MGAT4C: variants seen among roughly 807,000 people sequenced by gnomAD.
The protein encoded by MGAT4C is MGAT4 family member C.
A neutral mutation model predicts 40.1 loss-of-function variants in MGAT4C; 19 were observed. That is an observed-to-expected ratio of 0.47 (90% CI 0.33 to 0.70). The LOEUF is 0.70. MGAT4C is among the 30% of genes least tolerant of loss of function. The pLI is 0.02. For missense variants in MGAT4C, 491 were observed against 563.2 expected (o/e 0.87, Z 1.30); for synonymous variants, 181 against 187.1 (o/e 0.97, Z 0.27).
At chr12:86,043,699 A>G (rs1190997168) in intron 2 of MGAT4C, among the ~76,000 whole-genome samples, 5 of 152,174 alleles carry the variant, frequency 3.3e-5, no homozygotes, top group African/African-American at 9.7e-5. Flanking sequence ...TAACCATCAC[A>G]TCCTCCAATA....
At chr12:86,024,187 AATC>A (rs1363426385) in intron 2 of MGAT4C, among the ~76,000 whole-genome samples, 1 of 151,918 alleles carries the variant, frequency 6.6e-6, no homozygotes, top group Non-Finnish European at 1.5e-5. Flanking sequence ...AGCTTCAGGT[AATC>A]ATCATTCTAC....
At chr12:86,303,551 A>G (rs1358939537) in intron 4 of MGAT4C, among the ~76,000 whole-genome samples, 2 of 92,224 alleles carry the variant, frequency 2.2e-5, no homozygotes, top group Non-Finnish European at 4.8e-5. Context: ...TGATTGAAGG[A>G]AGACACTTAA....
intron 2 of MGAT4C, among the ~76,000 whole-genome samples, chr12:86,708,711 G>T (rs1444791892): frequency 2.0e-5 from 3 of 152,168 alleles, no homozygotes; most frequent in African/African-American, 7.2e-5. Context: ...ATGAGACAAG[G>T]AGTCAAAGGA....
At chr12:86,124,113 G>A (rs907892427) in intron 1 of MGAT4C, among the ~76,000 whole-genome samples, 8 of 151,890 alleles carry the variant, frequency 5.3e-5, no homozygotes, top group Non-Finnish European at 8.8e-5. Context: ...AAGATAACAC[G>A]GACTGTATAC....
At chr12:86,400,512 G>T (rs1956337019) in intron 3 of MGAT4C, among the ~76,000 whole-genome samples, 1 of 152,094 alleles carries the variant, frequency 6.6e-6, no homozygotes, top group Admixed American at 6.5e-5. Flanking sequence ...AGATTAGATG[G>T]TAAGCCATTT....
chr12:86,708,576 A>T (rs1950503349), intron 2 of MGAT4C, among the ~76,000 whole-genome samples: 2 of 152,142 alleles, frequency 1.3e-5, no homozygotes, highest in Non-Finnish European at 2.9e-5. Context: ...GCACCCAGAA[A>T]AGCCACAGAC....
chr12:86,670,451 T>G (rs1230251812), intron 2 of MGAT4C, among the ~76,000 whole-genome samples: 1 of 152,160 alleles, frequency 6.6e-6, no homozygotes, highest in Non-Finnish European at 1.5e-5. Flanking sequence ...TTGAAAGTTT[T>G]ATCAGTAGAC....
At chr12:86,308,385 A>G (rs1953992398) in intron 4 of MGAT4C, among the ~76,000 whole-genome samples, 1 of 150,660 alleles carries the variant, frequency 6.6e-6, no homozygotes, top group Non-Finnish European at 1.5e-5. Flanking sequence ...CTTTACAAAT[A>G]CAGATTTCTG....
At chr12:86,045,729 G>A (rs2136952897) in intron 2 of MGAT4C, among the ~76,000 whole-genome samples, 1 of 152,230 alleles carries the variant, frequency 6.6e-6, no homozygotes, top group South Asian at 2.1e-4. Context: ...GCTCAAATAT[G>A]TATTTTGTTT....
In MGAT4C at chr12:86,675,103, G is replaced by A. The variant is rs181018714; in HGVS notation, c.-229+52106C>T. Among the ~76,000 whole-genome samples, 1,324 of 152,234 alleles carry A rather than the reference G, an allele frequency of 8.7e-3. 8 individuals are homozygous for A. The highest frequency in any genetic ancestry group is 0.017 in the Middle Eastern group (5 of 294). On this transcript the variant is annotated intron_variant, in intron 2 of 7. Transcript: ENST00000548651. ...CTTCAAGATTGTGCTGCAAATACAT[G>A]TCATCGTCAAAATTTGAATGCAGGT...
At chr12:86,671,716 T>C (rs1964260829) in intron 2 of MGAT4C, among the ~76,000 whole-genome samples, 1 of 152,124 alleles carries the variant, frequency 6.6e-6, no homozygotes, top group Non-Finnish European at 1.5e-5. Flanking sequence ...GAGGTCATTA[T>C]AAAATTATTA....
intron 3 of MGAT4C, among the ~76,000 whole-genome samples, chr12:86,433,802 T>G (rs1168127375): frequency 6.6e-6 from 1 of 152,084 alleles, no homozygotes; most frequent in Non-Finnish European, 1.5e-5. Flanking sequence ...TTGTATTCAT[T>G]GTCATTACTG....
At chr12:86,590,971 A>C (rs761059204) in intron 2 of MGAT4C, among the ~76,000 whole-genome samples, 3 of 152,052 alleles carry the variant, frequency 2.0e-5, no homozygotes, top group Admixed American at 6.6e-5. Flanking sequence ...ATCAAGTAAA[A>C]TATGGTGCAT....
At chr12:86,147,168 T>C (rs1316716366) in intron 1 of MGAT4C, among the ~76,000 whole-genome samples, 4 of 152,206 alleles carry the variant, frequency 2.6e-5, no homozygotes, top group African/African-American at 4.8e-5. Context: ...ATATATGTCT[T>C]AGAAAGGTGG....
At chr12:86,036,292 T>C (rs1349626978) in intron 2 of MGAT4C, among the ~76,000 whole-genome samples, 1 of 150,016 alleles carries the variant, frequency 6.7e-6, no homozygotes, top group African/African-American at 2.4e-5. Flanking sequence ...TTTTCTTAAT[T>C]GAATAGCCTT....
At chr12:86,164,043 A>C (rs138271665) in intron 1 of MGAT4C, among the ~76,000 whole-genome samples, 5 of 152,336 alleles carry the variant, frequency 3.3e-5, no homozygotes, top group African/African-American at 1.2e-4. Flanking sequence ...AGTTAGAATT[A>C]AATAAGCAAA....
At chr12:86,524,810 G>T (rs1278401665) in intron 2 of MGAT4C, among the ~76,000 whole-genome samples, 1 of 151,914 alleles carries the variant, frequency 6.6e-6, no homozygotes, top group Non-Finnish European at 1.5e-5. Flanking sequence ...ATTTCAGAAA[G>T]CCAGTATTCA....
chr12:86,694,672 G>A (rs1010828202), intron 2 of MGAT4C, among the ~76,000 whole-genome samples: 2 of 152,150 alleles, frequency 1.3e-5, no homozygotes, highest in African/African-American at 2.4e-5. Flanking sequence ...AATTATCAAG[G>A]TTATTTATAC....
chr12:86,359,123 CT>C (rs1430548355), intron 3 of MGAT4C, among the ~76,000 whole-genome samples: 2 of 152,210 alleles, frequency 1.3e-5, no homozygotes, highest in East Asian at 3.8e-4. Context: ...TCACAACAAA[CT>C]GTCTTTCAGA....
Sources: gnomAD v4.1 joint callset for allele counts (sites outside exome capture counted in the v4.1 genomes callset) on GRCh38, gnomAD v4.1.1 for gene constraint, MANE v1.5 for transcripts, NCBI Gene and HGNC (gene_info 2026-07-23, HGNC 2026-07-21) for gene names.